The following SULF1 variants were observed in gnomAD, a reference collection of about 807,000 sequenced individuals.
SULF1 encodes sulfatase 1, also known as extracellular sulfatase Sulf-1.
Under a neutral mutation model 110.5 loss-of-function variants are expected in SULF1, and 46 were observed. The ratio of observed to expected loss-of-function variants is 0.42; its 90% CI spans 0.33 to 0.53. SULF1 has a LOEUF of 0.53. Among genes scored for constraint, SULF1 ranks in the 20% least tolerant of loss-of-function variants. The probability of loss-of-function intolerance (pLI) is 0.12; values close to 1 mark genes in which losing one functional copy is unlikely to be tolerated. For synonymous variants in SULF1, 371 were observed against 387.1 expected, an observed-to-expected ratio of 0.96 and a Z score of 0.49; for missense variants, 941 against 1,094.2, an observed-to-expected ratio of 0.86 and a Z score of 1.98.
At chr8:69,505,170 G>T (rs1323946105) in intron 3 of SULF1, among the ~76,000 whole-genome samples, 2 of 152,194 alleles carry the variant, frequency 1.3e-5, no homozygotes, top group South Asian at 4.1e-4. Flanking sequence ...GGAGAGATAG[G>T]TTGTATTCAC....
intron 13 of SULF1, among the ~76,000 whole-genome samples, chr8:69,618,582 G>A (rs778428475): frequency 4.6e-5 from 7 of 152,266 alleles, no homozygotes; most frequent in Admixed American, 1.3e-4. Flanking sequence ...GGGATGACTC[G>A]TTAGTCGCCT....
Position 69,563,992 on chromosome 8 carries a change from G to A in SULF1, c.17G>A (p.Cys6Tyr), listed in dbSNP as rs565892129. ...CCAAATACAATGAAGTATTCTTGCT[G>A]TGCTCTGGTTTTGGCTGTCCTGGGC... The part of the protein sequence containing the change: MKYSC[C>Y]ALVLAVLGTE... Residue 6 changes from cysteine (C) to tyrosine (Y), a missense_variant, in exon 5 of 23, where the codon TGT (cysteine) becomes TAT (tyrosine). Physicochemically the swap from Cys to Tyr is radical, Grantham distance 194 (BLOSUM62 -2). Transcript: ENST00000402687. 5.6e-6 allele frequency: 9 copies of A among 1,614,056 alleles called. No homozygotes were observed. Among genetic ancestry groups the A allele is most frequent in the Non-Finnish European group, 6.8e-6 (8 of 1,180,036 alleles).
intron 10 of SULF1, 114 bp downstream of exon 10, chr8:69,601,943 G>A (rs1415122071): frequency 1.0e-5 from 11 of 1,068,364 alleles, no homozygotes; most frequent in Admixed American, 2.8e-5. Context: ...AAAAGGATGT[G>A]TGTAGGCTGG....
intron 13 of SULF1, among the ~76,000 whole-genome samples, chr8:69,613,352 G>GT (rs534939520): frequency 0.11 from 14,343 of 136,530 alleles, 786 homozygotes; most frequent in South Asian, 0.2. Context: ...CAATTTTTGG[G>GT]TTTTTTTTTT....
chr8:69,468,085 T>C (rs1808932422), intron 1 of SULF1, among the ~76,000 whole-genome samples: 1 of 152,204 alleles, frequency 6.6e-6, no homozygotes, highest in African/African-American at 2.4e-5. Flanking sequence ...GGTGAGCCAA[T>C]GAGACTTCTG....
intron 22 of SULF1, among the ~76,000 whole-genome samples, chr8:69,649,898 C>T (rs1812195750): frequency 7.3e-6 from 1 of 137,168 alleles, no homozygotes; most frequent in Non-Finnish European, 1.5e-5. Context: ...CGATTCATTT[C>T]TGCCTGAATC....
At chr8:69,534,787 C>T (rs769548784) in intron 3 of SULF1, among the ~76,000 whole-genome samples, 1 of 151,654 alleles carries the variant, frequency 6.6e-6, no homozygotes, top group Non-Finnish European at 1.5e-5. Flanking sequence ...TACATTGATA[C>T]AACTGACGTC....
intron 5 of SULF1, among the ~76,000 whole-genome samples, chr8:69,569,563 G>C (rs1805068773): frequency 1.3e-5 from 2 of 152,124 alleles, no homozygotes; most frequent in African/African-American, 4.8e-5. Context: ...CCATACTGCT[G>C]TTTTTCTTAT....
Position 69,639,022 on chromosome 8 carries a change from C to T in SULF1, c.2551+164C>T, listed in dbSNP as rs78718213. 6.0e-3 allele frequency among the ~76,000 whole-genome samples: 913 copies of T among 152,300 alleles called. 13 individuals are homozygous for T. The highest frequency in any genetic ancestry group is 0.021 in the African/African-American group (857 of 41,560). On this transcript the variant is annotated intron_variant, in intron 21 of 22. Coordinates refer to ENST00000402687, the MANE Select transcript of SULF1 (RefSeq NM_001128205.2). ...AATACAATTTGATCTCTAAGTTTAG[C>T]TCTGGTGTACTAATGAAAAGCTTAA... is the stretch of plus-strand genomic sequence containing the variant.
At chr8:69,509,925 G>A (rs1254022132) in intron 3 of SULF1, among the ~76,000 whole-genome samples, 1 of 152,196 alleles carries the variant, frequency 6.6e-6, no homozygotes, top group East Asian at 1.9e-4. Context: ...TTCTGGTTGT[G>A]AAAATATTAA....
chr8:69,647,708 C>G (rs1812028272), intron 22 of SULF1, among the ~76,000 whole-genome samples: 1 of 152,000 alleles, frequency 6.6e-6, no homozygotes, highest in Non-Finnish European at 1.5e-5. Flanking sequence ...GCCTGACCAA[C>G]ATGGAGAAAC....
At chr8:69,610,706 CA>C (rs1191496189) in intron 13 of SULF1, among the ~76,000 whole-genome samples, 32 of 152,342 alleles carry the variant, frequency 2.1e-4, no homozygotes, top group African/African-American at 7.7e-4. Context: ...AAAAGACAAA[CA>C]TGAGAATAGG....
chr8:69,642,237 C>T, intron 22 of SULF1: 1 of 986,598 alleles, frequency 1.0e-6, no homozygotes, highest in Non-Finnish European at 1.2e-6. Context: ...GTTGCTGTTC[C>T]TGGTACCCTG....
At chr8:69,577,357 C>T (rs1283364614) in intron 6 of SULF1, among the ~76,000 whole-genome samples, 1 of 152,186 alleles carries the variant, frequency 6.6e-6, no homozygotes, top group Non-Finnish European at 1.5e-5. Context: ...GTACTTGGCT[C>T]TGTTTTATAA....
chr8:69,483,218 A>G (rs1327052190), intron 1 of SULF1, among the ~76,000 whole-genome samples: 1 of 152,138 alleles, frequency 6.6e-6, no homozygotes. Flanking sequence ...TCACAATCAT[A>G]CGTTTTGCCA....
At chr8:69,593,952 C>T (rs543026202) in intron 8 of SULF1, among the ~76,000 whole-genome samples, 1 of 152,296 alleles carries the variant, frequency 6.6e-6, no homozygotes, top group East Asian at 1.9e-4. Flanking sequence ...AAGGAGATGC[C>T]ATTTACGTCC....
chr8:69,631,158 C>T (rs939229680), intron 19 of SULF1, among the ~76,000 whole-genome samples: 3 of 152,170 alleles, frequency 2.0e-5, no homozygotes, highest in Admixed American at 2.0e-4. Context: ...ACAGTGCAAG[C>T]AGAGGTCCTG....
chr8:69,612,920 T>C (rs1388950707), intron 13 of SULF1, among the ~76,000 whole-genome samples: 1 of 152,140 alleles, frequency 6.6e-6, no homozygotes, highest in East Asian at 1.9e-4. Context: ...TAGTTATGAG[T>C]TCTTTGCCTA....
At chr8:69,499,691 C>T (rs193301386) in intron 2 of SULF1, among the ~76,000 whole-genome samples, 7 of 152,300 alleles carry the variant, frequency 4.6e-5, no homozygotes, top group Admixed American at 1.3e-4. Flanking sequence ...CTTAGGCTGC[C>T]TCTGTTCTTT....
Sources: allele counts gnomAD v4.1 joint callset (sites outside exome capture counted in the v4.1 genomes callset), GRCh38; gene constraint gnomAD v4.1.1; transcripts MANE v1.5; gene names NCBI Gene and HGNC (gene_info 2026-07-23, HGNC 2026-07-21).